SPIN1: variants seen among roughly 807,000 people sequenced by gnomAD.
The protein encoded by SPIN1 is spindlin 1.
SPIN1 carries 3 observed loss-of-function variants against 26.0 expected under a neutral mutation model. The ratio of observed to expected loss-of-function variants is 0.12; its 90% CI spans 0.05 to 0.30. The LOEUF is 0.30. SPIN1 is among the 10% of genes least tolerant of loss of function. SPIN1 has a pLI of 1.00. For synonymous variants in SPIN1, 101 were observed against 116.5 expected (o/e 0.87, Z 0.86); for missense variants, 126 against 333.4 (o/e 0.38, Z 4.84).
intron 3 of SPIN1, among the ~76,000 whole-genome samples, chr9:88,451,639 C>T (rs1587807795): frequency 3.3e-5 from 5 of 152,178 alleles, no homozygotes; most frequent in Admixed American, 3.3e-4. Context: ...TGGTTCACTG[C>T]AACCTCCACC....
At chr9:88,452,951 A>G (rs1316126819) in intron 3 of SPIN1, among the ~76,000 whole-genome samples, 1 of 152,134 alleles carries the variant, frequency 6.6e-6, no homozygotes, top group Non-Finnish European at 1.5e-5. Context: ...TATGACAGGC[A>G]TTTACTGGTA....
intron 2 of SPIN1, among the ~76,000 whole-genome samples, chr9:88,433,851 C>T (rs1827936723): frequency 6.6e-6 from 1 of 151,764 alleles, no homozygotes; most frequent in Non-Finnish European, 1.5e-5. Context: ...TTAATGTCAT[C>T]CATAAGTTCT....
chr9:88,451,961 C>T (rs1405880771), intron 3 of SPIN1, among the ~76,000 whole-genome samples: 1 of 152,126 alleles, frequency 6.6e-6, no homozygotes, highest in Non-Finnish European at 1.5e-5. Context: ...AATTCCCTCC[C>T]CCCTCCTGCA....
rs7034176 is a variant in SPIN1 at position 88,410,188 on chromosome 9, T to C, written c.-158-16194T>C. On this transcript the variant is annotated intron_variant, in intron 1 of 5. Coordinates refer to ENST00000375859, the MANE Select transcript of SPIN1 (RefSeq NM_006717.3). Reference sequence around the variant, plus strand: ...GTGTGTGTGTGTGTGTGTGTGTGTGTGCAACTTTTTTTTTTTTTAAAGACA... The same window carrying C: ...GTGTGTGTGTGTGTGTGTGTGTGTGCGCAACTTTTTTTTTTTTTAAAGACA... Among the ~76,000 whole-genome samples, 386 of 142,958 alleles carry C rather than the reference T, an allele frequency of 2.7e-3. 1 individual carries two copies. Among genetic ancestry groups the C allele is most frequent in the African/African-American group, 8.5e-3 (292 of 34,542 alleles). 93.8% of individuals were successfully genotyped at this position (142,958 alleles called of 152,430 possible).
intron 1 of SPIN1, among the ~76,000 whole-genome samples, chr9:88,413,485 G>GTGATTCTTCTACC (rs1827499319): frequency 6.6e-6 from 1 of 152,008 alleles, no homozygotes; most frequent in Non-Finnish European, 1.5e-5. Flanking sequence ...CCAGGTTCAA[G>GTGATTCTTCTACC]TGATTCTTCT....
chr9:88,467,108 TA>T (rs1221934158), intron 4 of SPIN1, among the ~76,000 whole-genome samples: 2 of 152,310 alleles, frequency 1.3e-5, no homozygotes, highest in Admixed American at 1.3e-4. Flanking sequence ...GACAGTTATC[TA>T]AAATTGTGGA....
At chr9:88,466,223 A>G (rs1828665496) in intron 4 of SPIN1, among the ~76,000 whole-genome samples, 1 of 152,070 alleles carries the variant, frequency 6.6e-6, no homozygotes, top group Non-Finnish European at 1.5e-5. Flanking sequence ...TAGTGGTGTG[A>G]TCAGGGCTCA....
chr9:88,427,369 A>G (rs141861399), intron 2 of SPIN1, among the ~76,000 whole-genome samples: 2 of 152,206 alleles, frequency 1.3e-5, no homozygotes, highest in Admixed American at 6.5e-5. Context: ...TAAGATTTCT[A>G]AGTACCCTTT....
intron 1 of SPIN1, among the ~76,000 whole-genome samples, chr9:88,401,389 A>G (rs939154167): frequency 5.9e-5 from 9 of 152,122 alleles, no homozygotes; most frequent in Admixed American, 2.0e-4. Context: ...CCATCCCTCC[A>G]TATCAGGGAA....
intron 1 of SPIN1, among the ~76,000 whole-genome samples, chr9:88,416,070 T>C (rs1010251093): frequency 2.0e-5 from 3 of 152,132 alleles, no homozygotes; most frequent in African/African-American, 7.2e-5. Context: ...AACGTCTTAA[T>C]AAATTCTTGT....
intron 2 of SPIN1, among the ~76,000 whole-genome samples, chr9:88,444,910 GGTCTCGATCTCCTGACC>G: frequency 6.7e-6 from 1 of 149,092 alleles, no homozygotes; most frequent in East Asian, 2.1e-4. Flanking sequence ...TAGCCAGGAT[GGTCTCGATCTCCTGACC>G]TCGTGATCCG....
intron 3 of SPIN1, among the ~76,000 whole-genome samples, chr9:88,457,191 T>A (rs938533095): frequency 4.6e-5 from 7 of 151,272 alleles, no homozygotes; most frequent in Non-Finnish European, 8.8e-5. Flanking sequence ...CAGCTTCTTA[T>A]GAGGGATAAT....
intron 1 of SPIN1, among the ~76,000 whole-genome samples, chr9:88,423,901 G>A (rs554455368): frequency 6.6e-6 from 1 of 152,170 alleles, no homozygotes; most frequent in South Asian, 2.1e-4. Flanking sequence ...GAGTAGCTGG[G>A]ACCAAGGGCA....
chr9:88,392,970 A>T (rs1464735561), intron 1 of SPIN1, among the ~76,000 whole-genome samples: 1 of 152,116 alleles, frequency 6.6e-6, no homozygotes, highest in African/African-American at 2.4e-5. Flanking sequence ...CAGGGGCAGG[A>T]TTGGACCTGT....
Position 88,413,062 on chromosome 9 carries a change from TAA to T in SPIN1, c.-158-13319_-158-13318del, listed in dbSNP as rs1370517617. On this transcript the variant is annotated intron_variant, in intron 1 of 5. Transcript: ENST00000375859. ...ATTTTGTTTTTTAAGATATTAAAAT[TAA>T]GTTTTTTTTTTTTTTTTTTTGAGAT... Among the ~76,000 whole-genome samples, 8 of 146,676 alleles carry T rather than the reference TAA, an allele frequency of 5.5e-5. No homozygotes were observed. The South Asian group carries it at 1.7e-3, about 31-fold the overall frequency.
rs375003512 is a variant in SPIN1, at chr9:88,439,890, G to C, written c.53-9051G>C. Among the ~76,000 whole-genome samples the C allele has an allele frequency of 1.3e-3, 191 of 152,138 alleles. 5 individuals carry two copies. In the South Asian group the frequency reaches 0.036, roughly 29 times the overall value. The stretch of plus-strand genomic sequence containing the variant: ...TCTTTATAGTTAAAGTGGATTTCTT[G>C]TATCTAGCATGAAGTTGCATGTTGT... On this transcript the variant is annotated intron_variant, in intron 2 of 5. Coordinates refer to ENST00000375859, the MANE Select transcript of SPIN1 (RefSeq NM_006717.3).
At chr9:88,396,603 GA>G (rs1371575597) in intron 1 of SPIN1, among the ~76,000 whole-genome samples, 2 of 152,012 alleles carry the variant, frequency 1.3e-5, no homozygotes, top group African/African-American at 4.8e-5. Flanking sequence ...CTCCGTCTCA[GA>G]AAACAAAACA....
At chr9:88,422,266 A>G (rs1018758855) in intron 1 of SPIN1, among the ~76,000 whole-genome samples, 2 of 152,206 alleles carry the variant, frequency 1.3e-5, no homozygotes, top group Admixed American at 1.3e-4. Context: ...GTAACACTTG[A>G]AGGTTCTGCT....
At chr9:88,473,886 A>G (rs187655167) in intron 5 of SPIN1, among the ~76,000 whole-genome samples, 5 of 152,320 alleles carry the variant, frequency 3.3e-5, no homozygotes, top group African/African-American at 1.2e-4. Flanking sequence ...GCTTAAGGGA[A>G]GAGAATTTTT....
Sources: allele counts gnomAD v4.1 joint callset (sites outside exome capture counted in the v4.1 genomes callset), GRCh38; gene constraint gnomAD v4.1.1; transcripts MANE v1.5; gene names NCBI Gene and HGNC (gene_info 2026-07-23, HGNC 2026-07-21).